CD109: variants seen among roughly 807,000 people sequenced by gnomAD.
CD109 encodes the protein CD109 molecule.
A neutral mutation model predicts 165.8 loss-of-function variants in CD109; 149 were observed. The ratio of observed to expected loss-of-function variants is 0.90; its 90% CI spans 0.79 to 1.03. The LOEUF (loss-of-function observed/expected upper bound fraction) is 1.03, where lower values mean the gene tolerates loss of function less well. Among genes scored for constraint, CD109 ranks in the 50% least tolerant of loss-of-function variants. The pLI is 0.00. For synonymous variants in CD109, 585 were observed against 592.1 expected (o/e 0.99, Z 0.18); for missense variants, 1,712 against 1,677.8 (o/e 1.02, Z -0.36).
chr6:73,777,350 G>A (rs889907787), intron 15 of CD109, among the ~76,000 whole-genome samples: 3 of 152,030 alleles, frequency 2.0e-5, no homozygotes, highest in African/African-American at 4.8e-5. Flanking sequence ...CAGATGCACA[G>A]TTTGCAAAAA....
intron 23 of CD109, 136 bp from the exon 24 acceptor site, chr6:73,803,084 C>G (rs1025278456): frequency 3.2e-6 from 2 of 617,064 alleles, no homozygotes; most frequent in African/African-American, 1.9e-5. Context: ...ATAGAAAGTA[C>G]TCAATATTAG....
intron 15 of CD109, among the ~76,000 whole-genome samples, chr6:73,777,148 G>T (rs1258363640): frequency 6.6e-6 from 1 of 151,466 alleles, no homozygotes; most frequent in East Asian, 2.0e-4. Context: ...AGTAGAGATG[G>T]GGTTTCTTCA....
intron 23 of CD109, among the ~76,000 whole-genome samples, chr6:73,794,527 T>C (rs1178232648): frequency 6.6e-6 from 1 of 152,010 alleles, no homozygotes; most frequent in Non-Finnish European, 1.5e-5. Flanking sequence ...AGGTGTTGGG[T>C]TTAAGTAGAT....
In CD109 at chr6:73,783,695, T is replaced by A. The variant is rs373150595; in HGVS notation, c.2106-12T>A. The A allele has an allele frequency of 7.0e-7, 1 of 1,423,592 alleles. No individual in the cohort carries two copies. Among genetic ancestry groups the A allele is most frequent in the African/African-American group, 1.4e-5 (1 of 71,156 alleles). The allele number at this position is 1,423,592 out of a possible 1,614,324, so 88.2% of individuals were successfully genotyped here. A position where few individuals can be genotyped will look rare whatever the true frequency, so the allele number is the denominator to read the frequency against. The stretch of plus-strand genomic sequence containing the variant: ...GGTTTTGTGATGTTTATATTTATTA[T>A]CTTGACTTCAGTTACAGGATTTACC... On this transcript the variant is annotated splice_polypyrimidine_tract_variant and intron_variant, in intron 18 of 32. Transcript: ENST00000287097.
At chr6:73,741,436 G>A (rs1772781824) in intron 5 of CD109, among the ~76,000 whole-genome samples, 1 of 152,182 alleles carries the variant, frequency 6.6e-6, no homozygotes, top group Admixed American at 6.5e-5. Context: ...TCATAGAAGT[G>A]TGTTTTATAG....
the CD109 span, among the ~76,000 whole-genome samples, chr6:73,688,753 TTTTC>T: frequency 6.8e-3 from 964 of 141,220 alleles, 9 homozygotes; most frequent in East Asian, 0.031. Context: ...TTCTGAGAGT[TTTTC>T]TTTGTTTTTT....
intron 5 of CD109, among the ~76,000 whole-genome samples, chr6:73,739,953 C>T (rs1406850403): frequency 6.6e-6 from 1 of 152,178 alleles, no homozygotes; most frequent in African/African-American, 2.4e-5. Context: ...ACTGCAGCCT[C>T]GAACTCCTGG....
chr6:73,692,071 A>T (rs190962653), upstream of CD109, among the ~76,000 whole-genome samples: 47 of 152,208 alleles, frequency 3.1e-4, no homozygotes. Context: ...ACTTTTAAAC[A>T]ACCAGATCTC....
At chr6:73,775,320 G>A (rs78510760) in intron 15 of CD109, among the ~76,000 whole-genome samples, 1 of 151,944 alleles carries the variant, frequency 6.6e-6, no homozygotes, top group African/African-American at 2.4e-5. Context: ...CTACATTTTT[G>A]TGACAAAAGC....
chr6:73,803,131 A>G (rs1465507801), intron 23 of CD109, 89 bp from the exon 24 acceptor site: 6 of 864,202 alleles, frequency 6.9e-6, no homozygotes, highest in African/African-American at 6.8e-5. Flanking sequence ...CTCTCTGCCC[A>G]TATTTCCTCA....
intron 5 of CD109, among the ~76,000 whole-genome samples, chr6:73,751,624 T>C (rs184744483): frequency 9.8e-5 from 15 of 152,292 alleles, no homozygotes; most frequent in African/African-American, 1.4e-4. Flanking sequence ...ACAAATATTA[T>C]ACCCTTTAGA....
intron 3 of CD109, among the ~76,000 whole-genome samples, chr6:73,725,633 C>T (rs757619134): frequency 4.0e-5 from 6 of 151,656 alleles, no homozygotes; most frequent in African/African-American, 7.3e-5. Context: ...CTCAGCCTCC[C>T]GAGTAGCTGG....
At chr6:73,719,166 T>C (rs1475127779) in intron 2 of CD109, among the ~76,000 whole-genome samples, 2 of 152,238 alleles carry the variant, frequency 1.3e-5, no homozygotes, top group Non-Finnish European at 2.9e-5. Flanking sequence ...TGCTGCTTAT[T>C]TCAGTGGCTC....
intron 23 of CD109, among the ~76,000 whole-genome samples, chr6:73,798,996 CT>C (rs1775270968): frequency 6.6e-6 from 1 of 152,076 alleles, no homozygotes; most frequent in Admixed American, 6.5e-5. Context: ...CTCCTCTCTT[CT>C]TTCCTTTTCC....
chr6:73,756,618 C>CT (rs777715032), intron 5 of CD109, 25 bp from the exon 6 acceptor site: 123 of 1,489,618 alleles, frequency 8.3e-5, no homozygotes, highest in Admixed American at 2.3e-4. Context: ...ACTTTCCTGT[C>CT]TTTTTTTTCT....
At chr6:73,745,972 C>T (rs539898114) in intron 5 of CD109, among the ~76,000 whole-genome samples, 1 of 152,310 alleles carries the variant, frequency 6.6e-6, no homozygotes, top group African/African-American at 2.4e-5. Flanking sequence ...TCAAGTGATC[C>T]GCCTGCCTCT....
chr6:73,788,936 C>T (rs1271619855), intron 22 of CD109, among the ~76,000 whole-genome samples: 2 of 152,170 alleles, frequency 1.3e-5, no homozygotes, highest in Non-Finnish European at 2.9e-5. Flanking sequence ...GTAGACCACA[C>T]TTTGAGTAGC....
rs560217710 is a variant in CD109 at position 73,773,127 on chromosome 6, A to ACG, written c.1827+1546_1827+1547insCG. ...TGTGTACGTGTGTGTATACATACAC[A>ACG]TACACACACACCCCATCTGATGTGC... On this transcript the variant is annotated intron_variant, in intron 15 of 32. Transcript: ENST00000287097. 6.2e-3 allele frequency among the ~76,000 whole-genome samples: 933 copies of ACG among 151,146 alleles called. 15 individuals are homozygous for ACG. The highest frequency in any genetic ancestry group is 0.021 in the African/African-American group (867 of 41,302).
intron 23 of CD109, among the ~76,000 whole-genome samples, chr6:73,799,415 TAAAG>T (rs1365572126): frequency 6.6e-6 from 1 of 152,192 alleles, no homozygotes; most frequent in African/African-American, 2.4e-5. Context: ...TGCATTACTA[TAAAG>T]AAATACCCGA....
Sources: allele counts gnomAD v4.1 joint callset (sites outside exome capture counted in the v4.1 genomes callset), GRCh38; gene constraint gnomAD v4.1.1; transcripts MANE v1.5; gene names NCBI Gene and HGNC (gene_info 2026-07-23, HGNC 2026-07-21).